LRCH1: variants seen among roughly 807,000 people sequenced by gnomAD.
LRCH1 encodes leucine rich repeats and calponin homology domain containing 1, also known as leucine-rich repeat and calponin homology domain-containing protein 1.
Under a neutral mutation model 94.9 loss-of-function variants are expected in LRCH1, and 23 were observed. The observed-to-expected ratio is 0.24, with a 90% CI of 0.17 to 0.34. LRCH1 has a LOEUF of 0.34. Among genes scored for constraint, LRCH1 ranks in the 10% least tolerant of loss-of-function variants. LRCH1 has a pLI of 1.00. For synonymous variants in LRCH1, 364 were observed against 354.9 expected (o/e 1.03, Z -0.29); for missense variants, 790 against 945.9 (o/e 0.84, Z 2.16).
chr13:46,703,976 C>G (rs1051833065), intron 11 of LRCH1, among the ~76,000 whole-genome samples: 1 of 152,078 alleles, frequency 6.6e-6, no homozygotes, highest in Non-Finnish European at 1.5e-5. Context: ...CCAAGTGACA[C>G]TTGATTTGCA....
intron 2 of LRCH1, among the ~76,000 whole-genome samples, chr13:46,656,219 G>T (rs2051368136): frequency 6.6e-6 from 1 of 152,064 alleles, no homozygotes; most frequent in African/African-American, 2.4e-5. Context: ...TACTTTTTTT[G>T]TTGTGAACTA....
chr13:46,644,336 G>T (rs1397526635), intron 1 of LRCH1, among the ~76,000 whole-genome samples: 2 of 152,080 alleles, frequency 1.3e-5, no homozygotes, highest in South Asian at 2.1e-4. Context: ...CACAATTAGG[G>T]CATCCTGCCT....
rs984600481 is a variant in LRCH1 at position 46,702,840 on chromosome 13, C to G, written c.1400+1633C>G. ...GAACTTTTTCAGAACAGATACCAGGCACTTCCTTTGGGGACTGGAGTCAGC... is the reference window on the plus strand; with the variant it reads ...GAACTTTTTCAGAACAGATACCAGGGACTTCCTTTGGGGACTGGAGTCAGC... On this transcript the variant is annotated intron_variant, in intron 11 of 19. Transcript: ENST00000389797. Among the ~76,000 whole-genome samples the G allele has an allele frequency of 2.6e-5, 4 of 152,166 alleles. No individual in the cohort carries two copies. In the East Asian group the frequency reaches 5.8e-4, roughly 22 times the overall value.
At chr13:46,622,937 C>T (rs1005342464) in intron 1 of LRCH1, among the ~76,000 whole-genome samples, 3 of 152,136 alleles carry the variant, frequency 2.0e-5, no homozygotes, top group Non-Finnish European at 4.4e-5. Flanking sequence ...CTGCTCAGAG[C>T]TTAGTGAGCT....
intron 13 of LRCH1, among the ~76,000 whole-genome samples, chr13:46,707,253 ACCT>A (rs956848613): frequency 2.0e-5 from 3 of 151,480 alleles, no homozygotes; most frequent in African/African-American, 4.9e-5. Flanking sequence ...AGGAACACAA[ACCT>A]CCTCCTTTTT....
chr13:46,726,714 C>T (rs1872830470), intron 17 of LRCH1, among the ~76,000 whole-genome samples: 1 of 152,034 alleles, frequency 6.6e-6, no homozygotes, highest in South Asian at 2.1e-4. Context: ...CGTGGGAATT[C>T]TGGATTCTCA....
chr13:46,580,236 T>C (rs1040958351), intron 1 of LRCH1, among the ~76,000 whole-genome samples: 1 of 152,230 alleles, frequency 6.6e-6, no homozygotes, highest in Non-Finnish European at 1.5e-5. Flanking sequence ...AAACTGATCA[T>C]ATCTCTTGTC....
rs1188810786 is a variant in LRCH1, at chr13:46,744,689, G to T, written c.*2841G>T. 1.0e-6 allele frequency: 1 copy of T among 985,310 alleles called. No homozygotes were observed. The highest frequency in any genetic ancestry group is 1.2e-6 in the Non-Finnish European group (1 of 829,936). 61.0% of individuals were successfully genotyped at this position (985,310 alleles called of 1,614,324 possible). A position where few individuals can be genotyped will look rare whatever the true frequency, so the allele number is the denominator to read the frequency against. ...TTATCTCTCGAAAACTCATGTAGAT[G>T]CCTGATTGAGTCATAAGGACAAAAG... On this transcript the variant is annotated 3_prime_UTR_variant, in exon 20 of 20. Transcript: ENST00000389797.
chr13:46,659,856 T>TA (rs761727098), intron 2 of LRCH1, among the ~76,000 whole-genome samples: 4 of 152,076 alleles, frequency 2.6e-5, no homozygotes, highest in Admixed American at 6.5e-5. Context: ...TCAGTACCAG[T>TA]AGGAGAGAAC....
At chr13:46,581,688 T>C (rs1380979431) in intron 1 of LRCH1, among the ~76,000 whole-genome samples, 1 of 152,178 alleles carries the variant, frequency 6.6e-6, no homozygotes, top group African/African-American at 2.4e-5. Flanking sequence ...TTGCCTCCAG[T>C]TAATGTCCTT....
At chr13:46,559,110 C>T (rs2050102391) in intron 1 of LRCH1, among the ~76,000 whole-genome samples, 1 of 152,326 alleles carries the variant, frequency 6.6e-6, no homozygotes, top group South Asian at 2.1e-4. Context: ...TTGGAATTCA[C>T]AGAAGACTTG....
chr13:46,656,398 C>G (rs942630959), intron 2 of LRCH1, among the ~76,000 whole-genome samples: 2 of 152,124 alleles, frequency 1.3e-5, no homozygotes, highest in African/African-American at 4.8e-5. Context: ...GAGTTTTGTT[C>G]AATTCGATAA....
In LRCH1 at chr13:46,699,323, G is replaced by C. The variant is rs706621; in HGVS notation, c.1246-13G>C. ...CCAATGGTTTTCAGGAACCCTGTGT[G>C]TTTTGTCCACAGGCAAGGGCAGAAG... On this transcript the variant is annotated splice_polypyrimidine_tract_variant and intron_variant, in intron 9 of 19. Transcript: ENST00000389797. 1,205,677 of 1,609,988 alleles carry C rather than the reference G, an allele frequency of 0.75. 453,249 individuals are homozygous for C. Among genetic ancestry groups the C allele is most frequent in the African/African-American group, 0.84 (62,935 of 74,918 alleles).
intron 1 of LRCH1, among the ~76,000 whole-genome samples, chr13:46,576,178 T>C (rs147738430): frequency 1.2e-3 from 177 of 152,288 alleles, no homozygotes; most frequent in African/African-American, 3.9e-3. Context: ...CTTTTGTTCA[T>C]GTAACTTATG....
intron 1 of LRCH1, among the ~76,000 whole-genome samples, chr13:46,636,437 A>G (rs56026777): frequency 0.13 from 19,819 of 152,160 alleles, 1,855 homozygotes; most frequent in African/African-American, 0.26. Flanking sequence ...TAAGCCACCA[A>G]TCTGCAGAAT....
At chr13:46,614,394 G>A (rs542364891) in intron 1 of LRCH1, among the ~76,000 whole-genome samples, 1 of 152,202 alleles carries the variant, frequency 6.6e-6, no homozygotes, top group East Asian at 1.9e-4. Context: ...GAAAGAATAT[G>A]AAAAGGACTT....
chr13:46,627,688 A>T (rs2050967204), intron 1 of LRCH1, among the ~76,000 whole-genome samples: 1 of 152,000 alleles, frequency 6.6e-6, no homozygotes, highest in Non-Finnish European at 1.5e-5. Flanking sequence ...TCCTTTTCCC[A>T]CTGGAGTCTG....
chr13:46,747,726 A>G (rs1873968409), downstream of LRCH1, among the ~76,000 whole-genome samples: 1 of 151,998 alleles, frequency 6.6e-6, no homozygotes, highest in Non-Finnish European at 1.5e-5. Context: ...TATGTGTCAT[A>G]TAAAATGCTT....
At position 46,678,542 on chromosome 13, in the gene LRCH1, T is replaced by C. The variant is rs1348080971; in HGVS notation, c.580-3199T>C. On this transcript the variant is annotated intron_variant, in intron 3 of 19. Transcript: ENST00000389797. ...GAGTACTATTAAAATAATTTGACCT[T>C]CACCATATACCCTCCAAAATGTGAA... Among the ~76,000 whole-genome samples, 3 of 152,220 alleles carry C rather than the reference T, an allele frequency of 2.0e-5. No homozygotes were observed. The East Asian group carries it at 5.8e-4, about 29-fold the overall frequency.
Sources: allele counts gnomAD v4.1 joint callset (sites outside exome capture counted in the v4.1 genomes callset), GRCh38; gene constraint gnomAD v4.1.1; transcripts MANE v1.5; gene names NCBI Gene and HGNC (gene_info 2026-07-23, HGNC 2026-07-21).